Variants in LRFN5 observed in about 807,000 individuals in gnomAD.
LRFN5 encodes leucine rich repeat and fibronectin type III domain containing 5.
LRFN5 carries 24 observed loss-of-function variants against 45.6 expected under a neutral mutation model. That is an observed-to-expected ratio of 0.53 (90% CI 0.38 to 0.74). The LOEUF (loss-of-function observed/expected upper bound fraction) is 0.74, where lower values mean the gene tolerates loss of function less well. Among genes scored for constraint, LRFN5 ranks in the 30% least tolerant of loss-of-function variants. LRFN5 has a pLI of 0.00. For missense variants in LRFN5, 776 were observed against 861.5 expected (o/e 0.90, Z 1.24); for synonymous variants, 340 against 313.8 (o/e 1.08, Z -0.88).
chr14:41,875,712 G>C (rs906926198), intron 2 of LRFN5, among the ~76,000 whole-genome samples: 2 of 152,138 alleles, frequency 1.3e-5, no homozygotes, highest in African/African-American at 4.8e-5. Flanking sequence ...GTGTCATTTT[G>C]GTTGCCTTCC....
At chr14:41,848,314 A>G (rs1220426271) in intron 2 of LRFN5, among the ~76,000 whole-genome samples, 2 of 152,132 alleles carry the variant, frequency 1.3e-5, no homozygotes, top group African/African-American at 4.8e-5. Context: ...TTCCTCATAC[A>G]CAGCAAGGAA....
intron 1 of LRFN5, among the ~76,000 whole-genome samples, chr14:41,651,103 A>G (rs1416589926): frequency 6.6e-6 from 1 of 152,180 alleles, no homozygotes; most frequent in Admixed American, 6.5e-5. Flanking sequence ...GTATTGTCTC[A>G]TATATTTAGA....
chr14:41,628,602 T>TATAAATAA (rs56242603), intron 1 of LRFN5, among the ~76,000 whole-genome samples: 200 of 151,170 alleles, frequency 1.3e-3, no homozygotes, highest in African/African-American at 2.6e-3. Flanking sequence ...AGACCCTGTC[T>TATAAATAA]ATAAATAAAT....
chr14:41,639,972 T>A (rs1879496291), intron 1 of LRFN5, among the ~76,000 whole-genome samples: 3 of 144,700 alleles, frequency 2.1e-5, no homozygotes, highest in South Asian at 4.5e-4. Context: ...TTTTTTTTTT[T>A]TTTTTTATTT....
At chr14:41,746,345 C>A (rs1185177614) in intron 1 of LRFN5, among the ~76,000 whole-genome samples, 1 of 151,902 alleles carries the variant, frequency 6.6e-6, no homozygotes, top group African/African-American at 2.4e-5. Flanking sequence ...AGGAAACTAC[C>A]TCAATATTAT....
At chr14:41,674,822 A>C (rs761901758) in intron 1 of LRFN5, among the ~76,000 whole-genome samples, 7 of 145,700 alleles carry the variant, frequency 4.8e-5, no homozygotes, top group East Asian at 2.1e-4. Flanking sequence ...GGCTGCCGGG[A>C]GGAGGGGCTC....
chr14:41,886,311 A>T (rs1461037326), intron 2 of LRFN5, among the ~76,000 whole-genome samples: 1 of 152,124 alleles, frequency 6.6e-6, no homozygotes, highest in Non-Finnish European at 1.5e-5. Context: ...TGGTTCACCC[A>T]TGGAGTACCC....
intron 2 of LRFN5, among the ~76,000 whole-genome samples, chr14:41,808,106 A>G (rs1887583775): frequency 6.7e-6 from 1 of 150,126 alleles, no homozygotes; most frequent in Admixed American, 6.7e-5. Flanking sequence ...GGATGTTAAG[A>G]CAATGCCTGT....
intron 1 of LRFN5, among the ~76,000 whole-genome samples, chr14:41,696,037 A>C (rs1378242920): frequency 6.6e-6 from 1 of 151,946 alleles, no homozygotes; most frequent in Non-Finnish European, 1.5e-5. Flanking sequence ...CCAAAATATA[A>C]CTTTGACAGA....
At chr14:41,653,706 T>C (rs1212220368) in intron 1 of LRFN5, among the ~76,000 whole-genome samples, 1 of 152,060 alleles carries the variant, frequency 6.6e-6, no homozygotes, top group Non-Finnish European at 1.5e-5. Context: ...AACATCACTA[T>C]TGCATAGAAG....
chr14:41,636,805 A>G (rs59063354), intron 1 of LRFN5, among the ~76,000 whole-genome samples: 5,812 of 152,140 alleles, frequency 0.038, 354 homozygotes, highest in East Asian at 0.27. Context: ...ATAGCATCCT[A>G]TGTGAGCTCA....
chr14:41,616,522 C>T (rs1474889390), intron 1 of LRFN5, among the ~76,000 whole-genome samples: 1 of 152,086 alleles, frequency 6.6e-6, no homozygotes, highest in East Asian at 1.9e-4. Flanking sequence ...AGTTTTGTTA[C>T]CTCCTCCATT....
intron 2 of LRFN5, among the ~76,000 whole-genome samples, chr14:41,880,668 A>G (rs534962635): frequency 6.6e-6 from 1 of 152,288 alleles, no homozygotes; most frequent in South Asian, 2.1e-4. Flanking sequence ...AATCTTTTAT[A>G]GCTACTGCTC....
intron 1 of LRFN5, among the ~76,000 whole-genome samples, chr14:41,734,303 T>G (rs57211505): frequency 0.047 from 5,989 of 127,762 alleles, 392 homozygotes; most frequent in African/African-American, 0.13. Context: ...GAGCCACCTT[T>G]CCTGGACTGG....
chr14:41,876,594 C>A (rs1890199220), intron 2 of LRFN5, among the ~76,000 whole-genome samples: 1 of 152,058 alleles, frequency 6.6e-6, no homozygotes, highest in Non-Finnish European at 1.5e-5. Flanking sequence ...CTGTGCCCAG[C>A]CAGTTGTCTT....
Position 41,904,396 on chromosome 14 carries a change from CT to C in LRFN5, c.*222del, listed in dbSNP as rs1191414429. ...AAACCAAATTTTTTTTTCTTCTGGCCTACAAGTATTTTTTTTTTAAAAAAGA... is the reference window on the plus strand; with the variant it reads ...AAACCAAATTTTTTTTTCTTCTGGCCACAAGTATTTTTTTTTTAAAAAAGA... On this transcript the variant is annotated 3_prime_UTR_variant, in exon 6 of 6. Transcript: ENST00000298119. The C allele has an allele frequency of 2.6e-5, 12 of 464,372 alleles. No homozygotes were observed. The highest frequency in any genetic ancestry group is 2.2e-4 in the African/African-American group (11 of 49,492). 28.8% of individuals were successfully genotyped at this position (464,372 alleles called of 1,614,324 possible).
At chr14:41,758,575 T>C (rs958409790) in intron 1 of LRFN5, among the ~76,000 whole-genome samples, 1 of 152,230 alleles carries the variant, frequency 6.6e-6, no homozygotes, top group South Asian at 2.1e-4. Flanking sequence ...TAATTTCTTA[T>C]GTCCTTTCTT....
At chr14:41,725,276 TG>T (rs1883883653) in intron 1 of LRFN5, among the ~76,000 whole-genome samples, 1 of 152,190 alleles carries the variant, frequency 6.6e-6, no homozygotes, top group Admixed American at 6.5e-5. Flanking sequence ...GATAAGAACG[TG>T]GGGCTAGCTG....
chr14:41,699,279 CACACTT>C (rs1882742331), intron 1 of LRFN5: 1 of 151,978 alleles, frequency 6.6e-6, no homozygotes, highest in Non-Finnish European at 1.5e-5. Context: ...TCTGTGGGTC[CACACTT>C]ACCGCAGCAA....
Sources: gnomAD v4.1 joint callset for allele counts (sites outside exome capture counted in the v4.1 genomes callset) on GRCh38, gnomAD v4.1.1 for gene constraint, MANE v1.5 for transcripts, NCBI Gene and HGNC (gene_info 2026-07-23, HGNC 2026-07-21) for gene names.